Variants in COLQ observed in about 807,000 individuals in gnomAD.
The protein encoded by COLQ is acetylcholinesterase collagenic tail peptide.
COLQ carries 48 observed loss-of-function variants against 69.0 expected under a neutral mutation model. The ratio of observed to expected loss-of-function variants is 0.70; its 90% confidence interval spans 0.55 to 0.88. COLQ has a LOEUF of 0.88. Ranked by LOEUF, COLQ falls within the 40% of genes least tolerant of loss-of-function variation. The probability of loss-of-function intolerance (pLI) is 0.00; values close to 1 mark genes in which losing one functional copy is unlikely to be tolerated. For synonymous variants in COLQ, 217 were observed against 211.2 expected (o/e 1.03, Z -0.24); for missense variants, 618 against 594.6 (o/e 1.04, Z -0.41).
At chr3:15,491,762 A>G (rs536972015) in intron 1 of COLQ, among the ~76,000 whole-genome samples, 58 of 152,354 alleles carry the variant, frequency 3.8e-4, no homozygotes, top group African/African-American at 1.3e-3. Context: ...AGAGAAATAC[A>G]AGAAAGTGAT....
intron 12 of COLQ, among the ~76,000 whole-genome samples, chr3:15,460,942 T>C (rs1163791199): frequency 6.6e-6 from 1 of 152,168 alleles, no homozygotes; most frequent in East Asian, 1.9e-4. Flanking sequence ...AACCATGGCC[T>C]GAGAGACAGT....
chr3:15,479,326 A>G lies in COLQ; in HGVS notation c.366+12T>C. The G allele has an allele frequency of 6.2e-7, 1 of 1,613,362 alleles. No homozygotes were observed. Among genetic ancestry groups the G allele is most frequent in the Non-Finnish European group, 8.5e-7 (1 of 1,179,226 alleles). ...CAAGGAAAGAAGGGTTGAAGAAAGT[A>G]GTGGTCCATACCTTTTCTCCCTTTG... is the stretch of plus-strand genomic sequence containing the variant. On this transcript the variant is annotated intron_variant, in intron 4 of 16. Transcript: ENST00000383788.
chr3:15,458,802 A>C (rs1267261535), intron 12 of COLQ, among the ~76,000 whole-genome samples: 1 of 152,116 alleles, frequency 6.6e-6, no homozygotes, highest in African/African-American at 2.4e-5. Flanking sequence ...ATTGACTGTT[A>C]ACTTTTATTG....
chr3:15,509,505 C>T (rs2062955219), intron 1 of COLQ, among the ~76,000 whole-genome samples: 1 of 152,168 alleles, frequency 6.6e-6, no homozygotes, highest in Admixed American at 6.5e-5. Context: ...GTGAACTTTG[C>T]TGGTTAGCAG....
intron 1 of COLQ, among the ~76,000 whole-genome samples, chr3:15,502,718 T>C (rs957607703): frequency 6.6e-6 from 1 of 152,154 alleles, no homozygotes; most frequent in Non-Finnish European, 1.5e-5. Context: ...CCGGCCTAAC[T>C]TGCACTGATG....
chr3:15,497,634 C>A (rs1452319141), intron 1 of COLQ, among the ~76,000 whole-genome samples: 1 of 152,178 alleles, frequency 6.6e-6, no homozygotes, highest in Non-Finnish European at 1.5e-5. Context: ...AGTTGGTGGA[C>A]TAGTCAGCTT....
chr3:15,484,563 T>C (rs184848575), intron 3 of COLQ, among the ~76,000 whole-genome samples: 9 of 152,330 alleles, frequency 5.9e-5, no homozygotes, highest in African/African-American at 2.2e-4. Context: ...CAATCAGACG[T>C]AGATTTGGTC....
intron 3 of COLQ, among the ~76,000 whole-genome samples, chr3:15,486,705 C>G (rs2062581147): frequency 6.6e-6 from 1 of 152,208 alleles, no homozygotes; most frequent in Admixed American, 6.5e-5. Context: ...CTGGCCAACT[C>G]TGGGTTCAAA....
chr3:15,496,928 T>C (rs1490840140), intron 1 of COLQ, among the ~76,000 whole-genome samples: 1 of 152,146 alleles, frequency 6.6e-6, no homozygotes, highest in Non-Finnish European at 1.5e-5. Flanking sequence ...TAAGTCTAGG[T>C]GCAAGTGGCC....
At position 15,489,137 on chromosome 3, in the gene COLQ, C is replaced by T. The variant is rs147341777; in HGVS notation, c.219+388G>A. 9.3e-4 allele frequency among the ~76,000 whole-genome samples: 142 copies of T among 152,244 alleles called. 1 individual carries two copies. Among genetic ancestry groups the T allele is most frequent in the Non-Finnish European group, 1.7e-3 (118 of 68,020 alleles). On this transcript the variant is annotated intron_variant, in intron 2 of 16. Coordinates refer to ENST00000383788, the MANE Select transcript of COLQ (RefSeq NM_005677.4). ...TCATGGAAACGGTCTGTGTTAGACA[C>T]GGGCTGCAGAAGGGAATTTCATAAA...
intron 12 of COLQ, among the ~76,000 whole-genome samples, chr3:15,464,050 T>C (rs2062161108): frequency 6.6e-6 from 1 of 152,230 alleles, no homozygotes; most frequent in African/African-American, 2.4e-5. Flanking sequence ...GCAGGTACTA[T>C]TGGAAACAAA....
chr3:15,480,322 C>T (rs908236116), intron 3 of COLQ, among the ~76,000 whole-genome samples: 11 of 151,632 alleles, frequency 7.3e-5, no homozygotes, highest in South Asian at 4.2e-4. Flanking sequence ...CTAATGCTAT[C>T]CCTCCCCACT....
intron 1 of COLQ, among the ~76,000 whole-genome samples, chr3:15,507,316 C>G (rs1275580296): frequency 6.6e-6 from 1 of 152,206 alleles, no homozygotes; most frequent in Non-Finnish European, 1.5e-5. Flanking sequence ...AAAGTATGGG[C>G]ACTTGTAATT....
At chr3:15,480,355 T>C (rs558485724) in intron 3 of COLQ, among the ~76,000 whole-genome samples, 32 of 124,406 alleles carry the variant, frequency 2.6e-4, no homozygotes, top group Admixed American at 9.1e-4. Context: ...CGACAGGCCC[T>C]GGTATGTGAT....
chr3:15,512,229 C>T (rs149032275), intron 1 of COLQ, among the ~76,000 whole-genome samples: 68 of 152,300 alleles, frequency 4.5e-4, no homozygotes, highest in African/African-American at 1.2e-3. Flanking sequence ...CGACTCACAC[C>T]GATGCTTCCT....
At chr3:15,489,196 C>A (rs1190282312) in intron 2 of COLQ, among the ~76,000 whole-genome samples, 2 of 152,150 alleles carry the variant, frequency 1.3e-5, no homozygotes, top group African/African-American at 4.8e-5. Flanking sequence ...AGGGGAAATT[C>A]CATGTTTGAG....
At position 15,479,008 on chromosome 3, in the gene COLQ, G is replaced by C; in HGVS notation, c.367-5C>G. The C allele has an allele frequency of 6.2e-7, 1 of 1,614,172 alleles. No homozygotes were observed. Among genetic ancestry groups the C allele is most frequent in the African/African-American group, 1.3e-5 (1 of 75,048 alleles). Reference sequence around the variant, plus strand: ...TCCTGGTCGGCCAAGCTCCCCCTATGGATGGAGAAGACAGGTAAGGAGAGG... The same window carrying C: ...TCCTGGTCGGCCAAGCTCCCCCTATCGATGGAGAAGACAGGTAAGGAGAGG... On this transcript the variant is annotated splice_region_variant and splice_polypyrimidine_tract_variant and intron_variant, in intron 4 of 16. Transcript: ENST00000383788.
Position 15,474,925 on chromosome 3 carries a change from C to T in COLQ, c.555G>A (p.Lys185=), listed in dbSNP as rs750472473. Residue 185 remains lysine (K), a splice_region_variant and synonymous_variant, in exon 8 of 17, where the codon AAG becomes AAA. Transcript: ENST00000383788. ...GACACCATCCAAGAAAAGCACTAACCTTTTCCCCTCTGGATCCAGGGTAGC... is the reference window on the plus strand; with the variant it reads ...GACACCATCCAAGAAAAGCACTAACTTTTTCCCCTCTGGATCCAGGGTAGC... ...SKGYPGSRGE[K]GSRGEKGDLG... is the part of the protein sequence containing the mutation. The T allele has an allele frequency of 1.9e-5, 30 of 1,614,002 alleles. No homozygotes were observed. Among genetic ancestry groups the T allele is most frequent in the Admixed American group, 5.0e-5 (3 of 60,010 alleles).
chr3:15,515,059 T>C (rs2063041530), intron 1 of COLQ, among the ~76,000 whole-genome samples: 2 of 152,214 alleles, frequency 1.3e-5, no homozygotes, highest in African/African-American at 4.8e-5. Context: ...ATTTGGTCTT[T>C]GGGCAGCTGG....
Sources: allele counts gnomAD v4.1 joint callset (sites outside exome capture counted in the v4.1 genomes callset), GRCh38; gene constraint gnomAD v4.1.1; transcripts MANE v1.5; gene names NCBI Gene and HGNC (gene_info 2026-07-23, HGNC 2026-07-21).